KIAA1549L: variants seen among roughly 807,000 people sequenced by gnomAD.
KIAA1549L encodes UPF0606 protein KIAA1549L.
In KIAA1549L, 88 loss-of-function variants were observed where a neutral mutation model predicts 160.7. The observed-to-expected ratio is 0.55, with a 90% CI of 0.46 to 0.65. KIAA1549L has a LOEUF of 0.65. Ranked by LOEUF, KIAA1549L falls within the 30% of genes least tolerant of loss-of-function variation. KIAA1549L has a pLI of 0.00. For missense variants in KIAA1549L, 2,258 were observed against 2,437.5 expected (o/e 0.93, Z 1.55); for synonymous variants, 950 against 976.7 (o/e 0.97, Z 0.51).
intron 15 of KIAA1549L, among the ~76,000 whole-genome samples, chr11:33,616,535 G>T (rs1277937981): frequency 6.6e-6 from 1 of 152,154 alleles, no homozygotes; most frequent in Non-Finnish European, 1.5e-5. Context: ...GTTATCACAG[G>T]TAATAGGCAA....
At chr11:33,389,673 T>C (rs1044277687) in intron 1 of KIAA1549L, among the ~76,000 whole-genome samples, 5 of 152,234 alleles carry the variant, frequency 3.3e-5, no homozygotes, top group Non-Finnish European at 7.3e-5. Flanking sequence ...AATAAACACA[T>C]TTTAAACAAG....
chr11:33,639,048 T>C (rs1851517352), intron 16 of KIAA1549L, among the ~76,000 whole-genome samples: 1 of 152,230 alleles, frequency 6.6e-6, no homozygotes, highest in South Asian at 2.1e-4. Flanking sequence ...GTTGGTAGCT[T>C]GTCTTTCCAT....
intron 1 of KIAA1549L, among the ~76,000 whole-genome samples, chr11:33,541,233 A>G (rs191300130): frequency 1.3e-5 from 2 of 152,200 alleles, no homozygotes; most frequent in African/African-American, 4.8e-5. Flanking sequence ...AAATAGCCTA[A>G]TCTGAAAGAA....
intron 11 of KIAA1549L, among the ~76,000 whole-genome samples, chr11:33,588,456 G>A (rs1263306649): frequency 6.6e-6 from 1 of 152,142 alleles, no homozygotes; most frequent in East Asian, 1.9e-4. Flanking sequence ...AACCACATGT[G>A]TTTTAAGGGA....
intron 15 of KIAA1549L, among the ~76,000 whole-genome samples, chr11:33,617,612 G>T (rs1289284673): frequency 6.6e-6 from 1 of 152,162 alleles, no homozygotes; most frequent in African/African-American, 2.4e-5. Context: ...GTCCCCGTTT[G>T]TCACAGCTTA....
intron 9 of KIAA1549L, among the ~76,000 whole-genome samples, chr11:33,570,732 A>G (rs974615204): frequency 6.6e-6 from 1 of 152,248 alleles, no homozygotes; most frequent in African/African-American, 2.4e-5. Context: ...TTAAGTTGAC[A>G]TATTTGAAAA....
chr11:33,577,698 C>G (rs549679529), intron 10 of KIAA1549L, among the ~76,000 whole-genome samples: 2 of 152,072 alleles, frequency 1.3e-5, no homozygotes, highest in Non-Finnish European at 2.9e-5. Context: ...GTAATACACA[C>G]GGAGAATGGC....
Position 33,660,912 on chromosome 11 carries a change from C to T in KIAA1549L, c.6057C>T (p.Gly2019=). The T allele has an allele frequency of 6.2e-7, 1 of 1,613,856 alleles. No homozygotes were observed. Among genetic ancestry groups the T allele is most frequent in the Non-Finnish European group, 8.5e-7 (1 of 1,179,828 alleles). ...CCATCCCAGCTGCCAACAGACCTGG[C>T]TTCACCGGCTACTTCATCCCAACGC... The part of the protein sequence containing the change: ...VFAIPAANRP[G]FTGYFIPTPP... The change falls in exon 20 of 21, where the codon GGC becomes GGT. Residue 2019 remains glycine, a synonymous_variant. Coordinates refer to ENST00000658780, the MANE Select transcript of KIAA1549L (RefSeq NM_012194.3).
intron 16 of KIAA1549L, among the ~76,000 whole-genome samples, chr11:33,638,433 AAAATAAATAAAT>A (rs1554927327): frequency 2.7e-5 from 1 of 37,680 alleles, no homozygotes; most frequent in Admixed American, 2.6e-4. Flanking sequence ...AAAAAAAAAA[AAAATAAATAAAT>A]AAATAAATAA....
At chr11:33,589,152 A>T (rs1590373470) in intron 11 of KIAA1549L, among the ~76,000 whole-genome samples, 1 of 152,244 alleles carries the variant, frequency 6.6e-6, no homozygotes, top group African/African-American at 2.4e-5. Flanking sequence ...CAAAAGACAC[A>T]TGAAAAAATG....
At chr11:33,597,158 T>C (rs1417547162) in intron 12 of KIAA1549L, among the ~76,000 whole-genome samples, 1 of 152,216 alleles carries the variant, frequency 6.6e-6, no homozygotes, top group Non-Finnish European at 1.5e-5. Flanking sequence ...GCCTTTGATA[T>C]GCTAAGGTGC....
chr11:33,411,924 CTCT>C (rs68153169), intron 1 of KIAA1549L, among the ~76,000 whole-genome samples: 44,812 of 151,918 alleles, frequency 0.29, 8,006 homozygotes, highest in Non-Finnish European at 0.4. Flanking sequence ...TTGTGGAGGG[CTCT>C]TCTTGTGGTT....
At chr11:33,636,778 C>T (rs1415547730) in intron 16 of KIAA1549L, among the ~76,000 whole-genome samples, 2 of 152,142 alleles carry the variant, frequency 1.3e-5, no homozygotes, top group African/African-American at 4.8e-5. Flanking sequence ...CATCATGTAT[C>T]TAGGATTCAT....
In KIAA1549L at chr11:33,543,049, A is replaced by G. The variant is rs778460574; in HGVS notation, c.1486A>G (p.Thr496Ala). The G allele has an allele frequency of 6.2e-7, 1 of 1,613,874 alleles. No individual in the cohort carries two copies. Among genetic ancestry groups the G allele is most frequent in the African/African-American group, 1.3e-5 (1 of 75,028 alleles). ...LSGAVPASPS[T>A]GTADFPSILT... ...TGGGGCGGTTCCCGCATCACCATCA[A>G]CTGGGACAGCCGACTTTCCCTCCAT... Residue 496 changes from threonine to alanine, a missense_variant, in exon 2 of 21, where the codon ACT (threonine) becomes GCT (alanine). Thr to Ala is a moderately conservative substitution (Grantham distance 58). Around this residue, in one of 6 missense-constraint regions of KIAA1549L, gnomAD observed 540 missense variants for 465.7 expected, o/e 1.16. Transcript: ENST00000658780.
At position 33,645,912 on chromosome 11, in the gene KIAA1549L, C is replaced by T. The variant is rs747860113; in HGVS notation, c.5636C>T (p.Ala1879Val). ...CGGCACCAAGAGGCCTACGGCTCAG[C>T]CCAGCACCTGCCCTATTCGGAGGTG... ...QSRHQEAYGS[A>V]QHLPYSEVVT... The change falls in exon 17 of 21, where the codon GCC becomes GTC. Residue 1879 changes from alanine to valine, a missense_variant. By Grantham distance (64) the Ala-to-Val change is moderately conservative. This residue lies in a region of KIAA1549L where 1,359 missense variants were observed against 1,546.6 expected (regional missense o/e 0.88). Transcript: ENST00000658780. 4 of 1,613,322 alleles carry T rather than the reference C, an allele frequency of 2.5e-6. No individual in the cohort carries two copies. The South Asian group carries it at 4.4e-5, about 18-fold the overall frequency.
chr11:33,439,071 T>C (rs1379621430), intron 1 of KIAA1549L, among the ~76,000 whole-genome samples: 1 of 151,862 alleles, frequency 6.6e-6, no homozygotes, highest in Non-Finnish European at 1.5e-5. Flanking sequence ...AAATTACAGA[T>C]GTGTGTCACC....
In KIAA1549L at chr11:33,439,744, C is replaced by A. The variant is rs180684043; in HGVS notation, c.238+62855C>A. Among the ~76,000 whole-genome samples, 753 of 152,096 alleles carry A rather than the reference C, an allele frequency of 5.0e-3. 6 individuals are homozygous for A. The highest frequency in any genetic ancestry group is 0.017 in the African/African-American group (723 of 41,476). On this transcript the variant is annotated intron_variant, in intron 1 of 20. Coordinates refer to ENST00000658780, the MANE Select transcript of KIAA1549L (RefSeq NM_012194.3). ...CTATGCATCGGGTACATTTTGAGTTCTCTCTTCTAGCTACTTATCTATAAT... is the reference window on the plus strand; with the variant it reads ...CTATGCATCGGGTACATTTTGAGTTATCTCTTCTAGCTACTTATCTATAAT...
chr11:33,501,165 A>C (rs1852939808), intron 1 of KIAA1549L, among the ~76,000 whole-genome samples: 1 of 152,232 alleles, frequency 6.6e-6, no homozygotes, highest in Admixed American at 6.5e-5. Flanking sequence ...GCTATTGGAA[A>C]GGCCTATTTG....
chr11:33,667,823 G>A, intron 20 of KIAA1549L, 50 bp from the exon 21 acceptor site: 1 of 1,528,614 alleles, frequency 6.5e-7, no homozygotes, highest in Non-Finnish European at 8.9e-7. Flanking sequence ...TGTGACTTGA[G>A]CTCCTTCCTC....
Sources: gnomAD v4.1 joint callset for allele counts (sites outside exome capture counted in the v4.1 genomes callset) on GRCh38, gnomAD v4.1.1 for gene constraint, gnomAD v4.1.1 regional missense constraint, MANE v1.5 for transcripts, NCBI Gene and HGNC (gene_info 2026-07-23, HGNC 2026-07-21) for gene names.